The following MALRD1 variants were observed in gnomAD, a reference collection of about 807,000 sequenced individuals.
MALRD1 encodes MAM and LDL receptor class A domain containing 1.
MALRD1 carries 247 observed loss-of-function variants against 242.1 expected under a neutral mutation model. The observed-to-expected ratio is 1.02, with a 90% CI of 0.92 to 1.13. MALRD1 has a LOEUF of 1.13. Ranked by LOEUF, MALRD1 falls within the 50% of genes most tolerant of loss-of-function variation. The pLI is 0.00. For missense variants in MALRD1, 2,989 were observed against 2,533.1 expected (o/e 1.18, Z -3.86); for synonymous variants, 995 against 866.6 (o/e 1.15, Z -2.60).
chr10:19,589,620 G>C (rs1209685102), intron 33 of MALRD1, among the ~76,000 whole-genome samples: 2 of 152,104 alleles, frequency 1.3e-5, no homozygotes, highest in East Asian at 1.9e-4. Flanking sequence ...CTTGAAAACT[G>C]TTGACTTAAC....
At chr10:19,657,090 G>C (rs532472490) in intron 36 of MALRD1, among the ~76,000 whole-genome samples, 31 of 152,200 alleles carry the variant, frequency 2.0e-4, no homozygotes, top group African/African-American at 5.8e-4. Context: ...ATAGATCACA[G>C]CTGCTATCCT....
At chr10:19,474,553 C>G (rs1836642245) in intron 29 of MALRD1, among the ~76,000 whole-genome samples, 1 of 152,094 alleles carries the variant, frequency 6.6e-6, no homozygotes, top group Non-Finnish European at 1.5e-5. Context: ...CATTCACCAA[C>G]TAATGTTGTT....
chr10:19,488,964 G>A (rs1837350257), intron 29 of MALRD1: 3 of 431,056 alleles, frequency 7.0e-6, no homozygotes, highest in Non-Finnish European at 1.4e-5. Context: ...ATTTAGCGGG[G>A]GCGGAGGAGA....
At chr10:19,477,416 G>A (rs1836787775) in intron 29 of MALRD1, among the ~76,000 whole-genome samples, 1 of 152,050 alleles carries the variant, frequency 6.6e-6, no homozygotes, top group Non-Finnish European at 1.5e-5. Flanking sequence ...AGGCCTGTTA[G>A]CTCTCAGTTG....
At chr10:19,450,538 G>T in intron 29 of MALRD1, 48 bp downstream of exon 29, 4 of 1,453,726 alleles carry the variant, frequency 2.8e-6, no homozygotes, top group South Asian at 1.3e-5. Flanking sequence ...TTTTAATCTA[G>T]CCATTTTATT....
rs193154275 is a variant in MALRD1, at chr10:19,135,375, G to A, written c.1204-1199G>A. Among the ~76,000 whole-genome samples, 320 of 152,184 alleles carry A rather than the reference G, an allele frequency of 2.1e-3. 2 individuals carry two copies. Among genetic ancestry groups the A allele is most frequent in the Non-Finnish European group, 2.4e-3 (166 of 68,002 alleles). Reference sequence around the variant, plus strand: ...TTATCATATTGGCCAGGCTGGTCTCGAACTCCTGACCTCAAGTGATCCACC... The same window carrying A: ...TTATCATATTGGCCAGGCTGGTCTCAAACTCCTGACCTCAAGTGATCCACC... On this transcript the variant is annotated intron_variant, in intron 9 of 39. Transcript: ENST00000454679.
At chr10:19,547,808 ATATATATATATTTTTTT>A (rs1270865096) in intron 32 of MALRD1, among the ~76,000 whole-genome samples, 8 of 13,986 alleles carry the variant, frequency 5.7e-4, no homozygotes, top group Non-Finnish European at 6.1e-4. Flanking sequence ...ATATATATAT[ATATATATATATTTTTTT>A]TTTTTTTTTT....
intron 21 of MALRD1, among the ~76,000 whole-genome samples, chr10:19,284,229 G>C (rs911413292): frequency 6.7e-6 from 1 of 149,674 alleles, no homozygotes; most frequent in Non-Finnish European, 1.5e-5. Flanking sequence ...TTGTAAGCAT[G>C]TTTGTATTTT....
intron 19 of MALRD1, among the ~76,000 whole-genome samples, chr10:19,259,631 G>T (rs775644023): frequency 3.9e-5 from 6 of 152,056 alleles, no homozygotes; most frequent in Non-Finnish European, 7.4e-5. Flanking sequence ...TGACATTTGG[G>T]AATTATAGGA....
rs1554801500 is a variant in MALRD1, at chr10:19,165,266, T to TATATATATATATATATA, written c.1657-371_1657-370insATATATATATATATATA. Reference sequence around the variant, plus strand: ...GAATATATATATATATATATATATATTTTGTTTTGTTTTGTTTTTGTTTTG... The same window carrying TATATATATATATATATA: ...GAATATATATATATATATATATATATATATATATATATATATATTTGTTTTGTTTTGTTTTTGTTTTG... On this transcript the variant is annotated intron_variant, in intron 12 of 39. Coordinates refer to ENST00000454679, the MANE Select transcript of MALRD1 (RefSeq NM_001142308.3). Among the ~76,000 whole-genome samples the TATATATATATATATATA allele has an allele frequency of 8.9e-4, 103 of 116,084 alleles. 1 individual carries two copies. Among genetic ancestry groups the TATATATATATATATATA allele is most frequent in the African/African-American group, 2.2e-3 (59 of 27,326 alleles). The allele number at this position is 116,084 out of a possible 152,430, so 76.2% of individuals were successfully genotyped here.
In MALRD1 at chr10:19,272,149, C is replaced by T. The variant is rs1373456288; in HGVS notation, c.3080-7898C>T. Among the ~76,000 whole-genome samples, 5 of 151,958 alleles carry T rather than the reference C, an allele frequency of 3.3e-5. No individual in the cohort carries two copies. In the East Asian group the frequency reaches 7.7e-4, roughly 23 times the overall value. ...AGTCTAAAGTAAAGACTTAAATGTGCAAACCACAACTATCAAAATTTAAAA... is the reference window on the plus strand; with the variant it reads ...AGTCTAAAGTAAAGACTTAAATGTGTAAACCACAACTATCAAAATTTAAAA... On this transcript the variant is annotated intron_variant, in intron 19 of 39. Coordinates refer to ENST00000454679, the MANE Select transcript of MALRD1 (RefSeq NM_001142308.3).
chr10:19,602,210 T>TA (rs1838384019), intron 34 of MALRD1, among the ~76,000 whole-genome samples: 3 of 150,680 alleles, frequency 2.0e-5, no homozygotes, highest in African/African-American at 7.3e-5. Flanking sequence ...TTTTTTTTTT[T>TA]TATACTTTAA....
intron 32 of MALRD1, among the ~76,000 whole-genome samples, chr10:19,546,640 T>A (rs926569567): frequency 3.3e-5 from 5 of 152,224 alleles, no homozygotes; most frequent in Admixed American, 3.3e-4. Flanking sequence ...ACAGTTCACA[T>A]TTTTGTCATT....
intron 11 of MALRD1, among the ~76,000 whole-genome samples, chr10:19,153,368 T>G (rs1370470610): frequency 6.6e-6 from 1 of 152,198 alleles, no homozygotes; most frequent in Non-Finnish European, 1.5e-5. Context: ...GCTCTCCATA[T>G]TTTTCTAAGA....
Position 19,171,906 on chromosome 10 carries a change from AATATATGATATATACAT to A in MALRD1, c.1831-3297_1831-3281del, listed in dbSNP as rs1834991792. Among the ~76,000 whole-genome samples the A allele has an allele frequency of 2.2e-5, 3 of 138,710 alleles. No homozygotes were observed. The Admixed American group carries it at 2.2e-4, about 10-fold the overall frequency. 91.0% of individuals were successfully genotyped at this position (138,710 alleles called of 152,430 possible). On this transcript the variant is annotated intron_variant, in intron 13 of 39. Transcript: ENST00000454679. ...CGTATATATATGATATATATCACAT[AATATATGATATATACAT>A]ATATGTGATATATATATCATATAAT...
At position 19,612,344 on chromosome 10, in the gene MALRD1, C is replaced by A. The variant is rs551699265; in HGVS notation, c.6071-3513C>A. ...CCTTACTCTCATCTTTGGCACCTTA[C>A]TCCCCTGTTTTATGTAATTAGTTAA... On this transcript the variant is annotated intron_variant, in intron 35 of 39. Coordinates refer to ENST00000454679, the MANE Select transcript of MALRD1 (RefSeq NM_001142308.3). 7.9e-5 allele frequency among the ~76,000 whole-genome samples: 12 copies of A among 152,018 alleles called. No homozygotes were observed. The South Asian group carries it at 1.9e-3, about 24-fold the overall frequency.
intron 19 of MALRD1, among the ~76,000 whole-genome samples, chr10:19,270,334 TCTCACACA>T (rs1431683651): frequency 0.013 from 1,010 of 75,668 alleles, 12 homozygotes; most frequent in African/African-American, 0.039. Flanking sequence ...TCTCTCTCTC[TCTCACACA>T]CACACACACA....
intron 28 of MALRD1, among the ~76,000 whole-genome samples, chr10:19,422,640 A>G (rs1256742312): frequency 6.6e-6 from 1 of 152,138 alleles, no homozygotes; most frequent in Non-Finnish European, 1.5e-5. Context: ...CCCTCGACCT[A>G]TGGTTTGCTG....
chr10:19,652,147 C>G (rs931832604), intron 36 of MALRD1, among the ~76,000 whole-genome samples: 7 of 152,192 alleles, frequency 4.6e-5, no homozygotes, highest in Non-Finnish European at 8.8e-5. Flanking sequence ...CTGTTCTTGG[C>G]ACAGCCTGTG....
Sources: gnomAD v4.1 joint callset for allele counts (sites outside exome capture counted in the v4.1 genomes callset) on GRCh38, gnomAD v4.1.1 for gene constraint, MANE v1.5 for transcripts, NCBI Gene and HGNC (gene_info 2026-07-23, HGNC 2026-07-21) for gene names.